HEPHL1: variants seen among roughly 807,000 people sequenced by gnomAD.
HEPHL1 encodes the protein ferroxidase HEPHL1.
Under a neutral mutation model 122.0 loss-of-function variants are expected in HEPHL1, and 123 were observed. The ratio of observed to expected loss-of-function variants is 1.01; its 90% CI spans 0.87 to 1.17. The LOEUF (loss-of-function observed/expected upper bound fraction) is 1.17, where lower values mean the gene tolerates loss of function less well. HEPHL1 is among the 50% of genes most tolerant of loss of function. The pLI, the probability that HEPHL1 is intolerant of heterozygous loss-of-function variation, is 0.00. For missense variants in HEPHL1, 1,452 were observed against 1,430.5 expected (o/e 1.01, Z -0.24); for synonymous variants, 527 against 508.9 (o/e 1.04, Z -0.48).
chr11:94,028,062 T>G (rs1477873122), intron 1 of HEPHL1, among the ~76,000 whole-genome samples: 1 of 152,190 alleles, frequency 6.6e-6, no homozygotes, highest in Non-Finnish European at 1.5e-5. Context: ...ACATGTTGGA[T>G]CTGACCACAC....
At chr11:94,076,764 C>T (rs1044414901) in intron 9 of HEPHL1, among the ~76,000 whole-genome samples, 5 of 152,186 alleles carry the variant, frequency 3.3e-5, no homozygotes, top group Admixed American at 6.6e-5. Flanking sequence ...CAGTCTTCTT[C>T]TAGGCAGGTG....
rs951657711 is a variant in HEPHL1, at chr11:94,088,773, G to C, written c.2099G>C (p.Cys700Ser). 1 of 1,613,450 alleles carries C rather than the reference G, an allele frequency of 6.2e-7. No homozygotes were observed. Among genetic ancestry groups the C allele is most frequent in the African/African-American group, 1.3e-5 (1 of 74,904 alleles). ...CTTGCAGGTATTTTTAGGGTGTTTT[G>C]TGCCACCATGCCCCACCTCTCGAGA... ...PDHAGIFRVF[C>S]ATMPHLSRGM... Residue 700 changes from cysteine (C) to serine (S), a missense_variant, in exon 12 of 20, where the codon TGT (cysteine) becomes TCT (serine). Coordinates refer to ENST00000315765, the MANE Select transcript of HEPHL1 (RefSeq NM_001098672.2).
At position 94,075,280 on chromosome 11, in the gene HEPHL1, CTA is replaced by C; in HGVS notation, c.1613_1614del (p.Tyr538SerfsTer7). ...PTAGDPPCLT[Y>X]LYFSAVDPIK... ...CTGCTGGTGATCCTCCCTGTCTGAC[CTA>C]TCTTTACTTCTCAGCAGTTGATCCA... On this transcript the variant is annotated frameshift_variant, in exon 9 of 20. Coordinates refer to ENST00000315765, the MANE Select transcript of HEPHL1 (RefSeq NM_001098672.2). LOFTEE classifies it high-confidence loss of function. 1 of 1,613,530 alleles carries C rather than the reference CTA, an allele frequency of 6.2e-7. No homozygotes were observed. Among genetic ancestry groups the C allele is most frequent in the South Asian group, 1.1e-5 (1 of 91,078 alleles).
In HEPHL1 at chr11:94,101,327, C is replaced by CA. The variant is rs764081641; in HGVS notation, c.2571dup (p.Pro858ThrfsTer8). ...GGAAAGCAATTCCAAGTGCCCATGA[C>CA]AAAACCAGGTAAGTTGTGTCAGAGG... On this transcript the variant is annotated frameshift_variant, in exon 14 of 20. Coordinates refer to ENST00000315765, the MANE Select transcript of HEPHL1 (RefSeq NM_001098672.2). LOFTEE classifies it high-confidence loss of function. 6.2e-7 allele frequency: 1 copy of CA among 1,612,214 alleles called. No homozygotes were observed. Among genetic ancestry groups the CA allele is most frequent in the South Asian group, 1.1e-5 (1 of 90,968 alleles).
intron 9 of HEPHL1, among the ~76,000 whole-genome samples, chr11:94,081,407 A>G (rs1946169399): frequency 6.6e-6 from 1 of 152,218 alleles, no homozygotes; most frequent in Non-Finnish European, 1.5e-5. Flanking sequence ...ATGTTTACCT[A>G]TGTAACAAAT....
chr11:94,111,198 A>G (rs1946446062), intron 18 of HEPHL1, 133 bp downstream of exon 18: 1 of 705,454 alleles, frequency 1.4e-6, no homozygotes, highest in African/African-American at 1.8e-5. Context: ...ATATATGTAA[A>G]TATGTAACTA....
chr11:94,057,269 A>G (rs1320166379), intron 2 of HEPHL1, among the ~76,000 whole-genome samples: 1 of 152,044 alleles, frequency 6.6e-6, no homozygotes, highest in African/African-American at 2.4e-5. Flanking sequence ...TTGGCTCATT[A>G]GGCTTCTTTG....
intron 2 of HEPHL1, among the ~76,000 whole-genome samples, chr11:94,047,878 C>G (rs1221407648): frequency 6.6e-6 from 1 of 152,112 alleles, no homozygotes; most frequent in Non-Finnish European, 1.5e-5. Context: ...AACATATGAA[C>G]ATAAAATTTA....
rs1198929766 is a variant in HEPHL1, at chr11:94,021,380, G to T, written c.12G>T (p.Lys4Asn). 1 of 1,612,182 alleles carries T rather than the reference G, an allele frequency of 6.2e-7. No individual in the cohort carries two copies. Among genetic ancestry groups the T allele is most frequent in the South Asian group, 1.1e-5 (1 of 90,678 alleles). The change falls in exon 1 of 20, where the codon AAG becomes AAT. Residue 4 changes from lysine (K) to asparagine (N), a missense_variant. Transcript: ENST00000315765. MPRKQPAGCIFLLT... is the reference protein window; with the variant it reads MPRNQPAGCIFLLT... ...AGTTACATCCACAAATGCCTCGGAA[G>T]CAGCCAGCTGGCTGCATCTTTCTCC...
At chr11:94,033,780 G>A (rs1297385362) in intron 1 of HEPHL1, among the ~76,000 whole-genome samples, 2 of 152,304 alleles carry the variant, frequency 1.3e-5, no homozygotes, top group Non-Finnish European at 2.9e-5. Context: ...TCTTCCAGGC[G>A]AGTTGCTGGG....
chr11:94,053,488 A>G (rs1945909122), intron 2 of HEPHL1, among the ~76,000 whole-genome samples: 1 of 150,778 alleles, frequency 6.6e-6, no homozygotes, highest in Admixed American at 6.6e-5. Context: ...TCTTCTTTCT[A>G]CTTGCTTTGG....
intron 1 of HEPHL1, among the ~76,000 whole-genome samples, chr11:94,032,207 T>A (rs1208747711): frequency 3.3e-5 from 5 of 152,322 alleles, no homozygotes; most frequent in Admixed American, 1.3e-4. Context: ...TCCCCAGTGA[T>A]GTTCCAGTGG....
Position 94,105,774 on chromosome 11 carries a change from ACTG to A in HEPHL1, c.2906-214_2906-212del, listed in dbSNP as rs922193711. ...ACTGCCACCAAGATACGGCTTTAAA[ACTG>A]CTATTTCTCTGTTCTCGCTCTCTTT... On this transcript the variant is annotated intron_variant, in intron 16 of 19. Transcript: ENST00000315765. Among the ~76,000 whole-genome samples, 28 of 152,218 alleles carry A rather than the reference ACTG, an allele frequency of 1.8e-4. 2 individuals are homozygous for A. Among genetic ancestry groups the A allele is most frequent in the African/African-American group, 6.5e-4 (27 of 41,524 alleles).
chr11:94,096,105 AAAG>A lies in HEPHL1; in HGVS notation c.2434+2466_2434+2468del, dbSNP rs1946310124. ...GCATCCCTGTCTTGTGCCAGTTTTC[AAAG>A]GGAATGCTTCCAGTTTTTGCCCATT... On this transcript the variant is annotated intron_variant, in intron 13 of 19. Transcript: ENST00000315765. Among the ~76,000 whole-genome samples, 3 of 152,316 alleles carry A rather than the reference AAAG, an allele frequency of 2.0e-5. No homozygotes were observed. In the South Asian group the frequency reaches 6.2e-4, roughly 32 times the overall value.
At chr11:94,078,104 T>C (rs1468481182) in intron 9 of HEPHL1, among the ~76,000 whole-genome samples, 1 of 152,126 alleles carries the variant, frequency 6.6e-6, no homozygotes, top group Non-Finnish European at 1.5e-5. Flanking sequence ...GAACAATGCA[T>C]GGCACATTGT....
intron 2 of HEPHL1, among the ~76,000 whole-genome samples, chr11:94,060,317 T>A (rs116249419): frequency 6.6e-6 from 1 of 151,592 alleles, no homozygotes; most frequent in Non-Finnish European, 1.5e-5. Flanking sequence ...TGTATACACA[T>A]ATACATACTA....
At chr11:94,106,642 C>G (rs1946411762) in intron 17 of HEPHL1, among the ~76,000 whole-genome samples, 1 of 152,172 alleles carries the variant, frequency 6.6e-6, no homozygotes, top group African/African-American at 2.4e-5. Context: ...TTATAAAAAT[C>G]TCTCCAAGCC....
At chr11:94,029,692 G>T (rs979996747) in intron 1 of HEPHL1, among the ~76,000 whole-genome samples, 1 of 152,188 alleles carries the variant, frequency 6.6e-6, no homozygotes, top group Non-Finnish European at 1.5e-5. Context: ...CCCTTGGGGT[G>T]ACTATTGGCT....
intron 2 of HEPHL1, chr11:94,055,918 TA>T: frequency 1.7e-6 from 2 of 1,175,470 alleles, no homozygotes; most frequent in Non-Finnish European, 2.4e-6. Flanking sequence ...GTGCCTCCTG[TA>T]ACAGCTAAGG....
Sources: allele counts gnomAD v4.1 joint callset (sites outside exome capture counted in the v4.1 genomes callset), GRCh38; gene constraint gnomAD v4.1.1; transcripts MANE v1.5; gene names NCBI Gene and HGNC (gene_info 2026-07-23, HGNC 2026-07-21).